The following TMEM207 variants were observed in gnomAD, a reference collection of about 807,000 sequenced individuals.
The protein encoded by TMEM207 is transmembrane protein 207.
TMEM207 carries 15 observed loss-of-function variants against 17.4 expected under a neutral mutation model. The ratio of observed to expected loss-of-function variants is 0.86; its 90% CI spans 0.58 to 1.33. The LOEUF (loss-of-function observed/expected upper bound fraction) is 1.33, where lower values mean the gene tolerates loss of function less well. TMEM207 is among the 40% of genes most tolerant of loss of function. The pLI is 0.00. For synonymous variants in TMEM207, 70 were observed against 65.6 expected (o/e 1.07, Z -0.33); for missense variants, 205 against 173.8 (o/e 1.18, Z -1.01).
chr3:190,431,774 C>T (rs1719696379), intron 4 of TMEM207, among the ~76,000 whole-genome samples: 2 of 152,160 alleles, frequency 1.3e-5, no homozygotes, highest in East Asian at 1.9e-4. Context: ...TTTATTTGTA[C>T]GATTGCCACT....
intron 4 of TMEM207, among the ~76,000 whole-genome samples, chr3:190,436,929 C>A (rs1234283762): frequency 1.3e-5 from 2 of 152,128 alleles, no homozygotes; most frequent in East Asian, 3.9e-4. Context: ...CTGTTCCCTG[C>A]CTATCCTGCC....
At position 190,440,789 on chromosome 3, in the gene TMEM207, C is replaced by A. The variant is rs372957952; in HGVS notation, c.159-400G>T. On this transcript the variant is annotated intron_variant, in intron 3 of 4. Transcript: ENST00000354905. ...AGGAATTCAAAAGTAGGCAGAGGGG[C>A]CGGGCGCGGTGGCTCAAGCCTGTAA... 2.9e-4 allele frequency among the ~76,000 whole-genome samples: 44 copies of A among 152,324 alleles called. No individual in the cohort carries two copies. In the East Asian group the frequency reaches 5.2e-3, roughly 18 times the overall value.
chr3:190,446,079 T>G (rs1720039129), intron 2 of TMEM207, among the ~76,000 whole-genome samples: 1 of 152,178 alleles, frequency 6.6e-6, no homozygotes, highest in Non-Finnish European at 1.5e-5. Context: ...CCTTTTGTGT[T>G]TCTCATTTTT....
intron 4 of TMEM207, 83 bp from the exon 5 acceptor site, chr3:190,429,814 T>C (rs1719651629): frequency 2.8e-6 from 4 of 1,410,790 alleles, no homozygotes; most frequent in African/African-American, 2.9e-5. Context: ...AAATCTGGCA[T>C]TGCTTGGATC....
chr3:190,432,651 T>C (rs1719715520), intron 4 of TMEM207, among the ~76,000 whole-genome samples: 1 of 152,146 alleles, frequency 6.6e-6, no homozygotes, highest in Admixed American at 6.5e-5. Context: ...AAAAGAATCC[T>C]GGGAGACTGG....
At chr3:190,435,745 A>C (rs556828371) in intron 4 of TMEM207, among the ~76,000 whole-genome samples, 6 of 152,322 alleles carry the variant, frequency 3.9e-5, no homozygotes, top group African/African-American at 1.4e-4. Context: ...AGTACTGTGA[A>C]AAGACAGGAA....
intron 2 of TMEM207, among the ~76,000 whole-genome samples, chr3:190,443,020 C>T (rs139327494): frequency 2.2e-3 from 336 of 151,994 alleles, no homozygotes; most frequent in Middle Eastern, 6.8e-3. Flanking sequence ...GTAATGTACA[C>T]GAATCACTTT....
At position 190,429,464 on chromosome 3, in the gene TMEM207, G is replaced by T; in HGVS notation, c.*131C>A. On this transcript the variant is annotated 3_prime_UTR_variant, in exon 5 of 5. Coordinates refer to ENST00000354905, the MANE Select transcript of TMEM207 (RefSeq NM_207316.3). ...TTTTTCCAACATCCATTCTTTTGTC[G>T]AATTGTCCTTCCTCAGACTATATGA... The T allele has an allele frequency of 7.6e-7, 1 of 1,309,052 alleles. No homozygotes were observed. 81.1% of individuals were successfully genotyped at this position (1,309,052 alleles called of 1,614,324 possible).
intron 4 of TMEM207, among the ~76,000 whole-genome samples, chr3:190,437,249 T>C (rs1377584598): frequency 1.3e-5 from 2 of 152,200 alleles, no homozygotes; most frequent in African/African-American, 4.8e-5. Flanking sequence ...GTTCAAATAG[T>C]GAGGCTCTAC....
chr3:190,444,540 G>C, intron 2 of TMEM207: 1 of 792,776 alleles, frequency 1.3e-6, no homozygotes, highest in Non-Finnish European at 1.5e-6. Flanking sequence ...GCCTGGTGAG[G>C]ATCAGACAGA....
At chr3:190,442,163 C>G (rs990175322) in intron 2 of TMEM207, among the ~76,000 whole-genome samples, 17 of 152,102 alleles carry the variant, frequency 1.1e-4, no homozygotes, top group African/African-American at 4.1e-4. Flanking sequence ...AGGTATAACT[C>G]CGTAGGTGTA....
intron 1 of TMEM207, among the ~76,000 whole-genome samples, chr3:190,449,058 A>G (rs1466994792): frequency 2.6e-5 from 4 of 152,156 alleles, no homozygotes; most frequent in African/African-American, 9.7e-5. Flanking sequence ...AACAAATAAA[A>G]CCAGTATTTC....
chr3:190,434,281 C>T (rs910373904), intron 4 of TMEM207, among the ~76,000 whole-genome samples: 1 of 152,104 alleles, frequency 6.6e-6, no homozygotes, highest in African/African-American at 2.4e-5. Context: ...CCATAATTCC[C>T]GTGTGTTGTG....
chr3:190,447,768 G>A, intron 2 of TMEM207, 22 bp downstream of exon 2: 4 of 1,607,022 alleles, frequency 2.5e-6, no homozygotes, highest in Non-Finnish European at 1.7e-6. Flanking sequence ...TAAAAACATG[G>A]AGTTTTTCGC....
In TMEM207 at chr3:190,429,378, T is replaced by A; in HGVS notation, c.*217A>T. 1 of 543,862 alleles carries A rather than the reference T, an allele frequency of 1.8e-6. No individual in the cohort carries two copies. The highest frequency in any genetic ancestry group is 3.3e-5 in the East Asian group (1 of 30,552). 33.7% of individuals were successfully genotyped at this position (543,862 alleles called of 1,614,324 possible). ...TTGGTTGTGTAGCATAAAAGTATGA[T>A]ACAGCAGTGACACATCAAAAGCCTG... is the stretch of plus-strand genomic sequence containing the variant. On this transcript the variant is annotated 3_prime_UTR_variant, in exon 5 of 5. Coordinates refer to ENST00000354905, the MANE Select transcript of TMEM207 (RefSeq NM_207316.3).
intron 4 of TMEM207, among the ~76,000 whole-genome samples, chr3:190,435,551 G>A (rs1347189996): frequency 6.6e-6 from 1 of 152,140 alleles, no homozygotes; most frequent in Non-Finnish European, 1.5e-5. Context: ...CTTTCTGAAG[G>A]GTAAAGATCT....
chr3:190,447,736 T>C (rs935286482), intron 2 of TMEM207, 54 bp downstream of exon 2: 1 of 1,591,788 alleles, frequency 6.3e-7, no homozygotes, highest in Non-Finnish European at 8.6e-7. Context: ...TTTTTTATAC[T>C]TTGAATTTTT....
At chr3:190,442,542 AC>A (rs1412038907) in intron 2 of TMEM207, among the ~76,000 whole-genome samples, 1 of 152,026 alleles carries the variant, frequency 6.6e-6, no homozygotes, top group Non-Finnish European at 1.5e-5. Context: ...AAAACCAATC[AC>A]CCAGCCTACA....
At chr3:190,443,665 C>T (rs1222982608) in intron 2 of TMEM207, among the ~76,000 whole-genome samples, 2 of 152,154 alleles carry the variant, frequency 1.3e-5, no homozygotes, top group Non-Finnish European at 2.9e-5. Context: ...CTCCTCGAAT[C>T]ATTATTTCCA....
Sources: allele counts gnomAD v4.1 joint callset (sites outside exome capture counted in the v4.1 genomes callset), GRCh38; gene constraint gnomAD v4.1.1; transcripts MANE v1.5; gene names NCBI Gene and HGNC (gene_info 2026-07-23, HGNC 2026-07-21).